PLXNA2: variants seen among roughly 807,000 people sequenced by gnomAD.
PLXNA2 encodes the protein plexin A2.
A neutral mutation model predicts 193.5 loss-of-function variants in PLXNA2; 91 were observed. That is an observed-to-expected ratio of 0.47 (90% CI 0.40 to 0.56). The LOEUF is 0.56. Among genes scored for constraint, PLXNA2 ranks in the 20% least tolerant of loss-of-function variants. The pLI, the probability that PLXNA2 is intolerant of heterozygous loss-of-function variation, is 0.00. For missense variants in PLXNA2, 1,995 were observed against 2,503.2 expected (o/e 0.80, Z 4.33); for synonymous variants, 997 against 1,027.3 (o/e 0.97, Z 0.56).
intron 3 of PLXNA2, among the ~76,000 whole-genome samples, chr1:208,198,143 T>A (rs772023783): frequency 2.0e-5 from 3 of 152,168 alleles, no homozygotes; most frequent in Non-Finnish European, 4.4e-5. Context: ...TCAATATTGA[T>A]GGAATTGCAT....
intron 8 of PLXNA2, among the ~76,000 whole-genome samples, chr1:208,093,845 G>A (rs1003916425): frequency 1.3e-5 from 2 of 152,176 alleles, no homozygotes; most frequent in African/African-American, 4.8e-5. Context: ...GGTTTTGTAG[G>A]GGGGATTAGT....
intron 4 of PLXNA2, among the ~76,000 whole-genome samples, chr1:208,112,070 G>A (rs1215905732): frequency 6.6e-6 from 1 of 152,208 alleles, no homozygotes; most frequent in African/African-American, 2.4e-5. Flanking sequence ...TAGAGTGGTT[G>A]AGTAATTCAG....
At chr1:208,141,255 T>C (rs983901118) in intron 4 of PLXNA2, among the ~76,000 whole-genome samples, 9 of 152,214 alleles carry the variant, frequency 5.9e-5, no homozygotes, top group African/African-American at 1.9e-4. Context: ...TCCTTACTTC[T>C]TCGCTCATCC....
At chr1:208,157,997 C>A (rs376780174) in intron 3 of PLXNA2, among the ~76,000 whole-genome samples, 1 of 152,226 alleles carries the variant, frequency 6.6e-6, no homozygotes, top group African/African-American at 2.4e-5. Context: ...CAGGCCAAAG[C>A]ATTCCTCACT....
chr1:208,143,015 G>T (rs1668501431), intron 3 of PLXNA2, among the ~76,000 whole-genome samples: 1 of 152,240 alleles, frequency 6.6e-6, no homozygotes, highest in South Asian at 2.1e-4. Flanking sequence ...CACCCTGTGA[G>T]ATGTGGGGAG....
chr1:208,062,104 G>A (rs1001630764), intron 12 of PLXNA2, among the ~76,000 whole-genome samples: 3 of 152,142 alleles, frequency 2.0e-5, no homozygotes, highest in African/African-American at 4.8e-5. Context: ...AAGATCGAGC[G>A]TCCTCTAGAA....
rs996917567 is a variant in PLXNA2 at position 208,236,265 on chromosome 1, C to G, written c.-81+7378G>C. Among the ~76,000 whole-genome samples, 3 of 152,070 alleles carry G rather than the reference C, an allele frequency of 2.0e-5. No homozygotes were observed. Among genetic ancestry groups the G allele is most frequent in the Non-Finnish European group, 4.4e-5 (3 of 67,984 alleles). ...TCTTCTCCTTCAGGTATTTTTGTTCCTCAGGAGAAAAAAATGGGAAACCGG... is the reference window on the plus strand; with the variant it reads ...TCTTCTCCTTCAGGTATTTTTGTTCGTCAGGAGAAAAAAATGGGAAACCGG... On this transcript the variant is annotated intron_variant, in intron 1 of 31. Coordinates refer to ENST00000367033, the MANE Select transcript of PLXNA2 (RefSeq NM_025179.4). The surrounding 1 kb of genome is among the most constrained non-coding windows in gnomAD (Gnocchi z 4.4).
At chr1:208,136,701 T>A (rs1258742166) in intron 4 of PLXNA2, among the ~76,000 whole-genome samples, 1 of 152,324 alleles carries the variant, frequency 6.6e-6, no homozygotes, top group East Asian at 1.9e-4. Context: ...CTCAGTGCTG[T>A]CATTTGGCCA....
Position 208,028,191 on chromosome 1 carries a change from G to C in PLXNA2, c.5439-32C>G. On this transcript the variant is annotated intron_variant, in intron 30 of 31. Transcript: ENST00000367033. The surrounding 1 kb of genome is among the most constrained non-coding windows in gnomAD (Gnocchi z 4.2). ...GAGACAGGATAGGCGCCTTGGTGGAGGCCTCAGCAAACATTTACCTATAGC... is the reference window on the plus strand; with the variant it reads ...GAGACAGGATAGGCGCCTTGGTGGACGCCTCAGCAAACATTTACCTATAGC... The C allele has an allele frequency of 6.4e-7, 1 of 1,574,618 alleles. No homozygotes were observed. Among genetic ancestry groups the C allele is most frequent in the Non-Finnish European group, 8.6e-7 (1 of 1,158,446 alleles).
intron 4 of PLXNA2, among the ~76,000 whole-genome samples, chr1:208,113,160 TCTGGGGACCAGATGC>T (rs1236219822): frequency 6.6e-6 from 1 of 152,176 alleles, no homozygotes; most frequent in Non-Finnish European, 1.5e-5. Flanking sequence ...AGACCTCTCA[TCTGGGGACCAGATGC>T]CTGGGATTAG....
chr1:208,154,934 T>C (rs1048495735), intron 3 of PLXNA2, among the ~76,000 whole-genome samples: 2 of 152,178 alleles, frequency 1.3e-5, no homozygotes, highest in Admixed American at 1.3e-4. Flanking sequence ...AAGGAAAGCA[T>C]GAAAGAGGGA....
At position 208,210,450 on chromosome 1, in the gene PLXNA2, C is replaced by T. The variant is rs774808038; in HGVS notation, c.1201G>A (p.Asp401Asn). 1.6e-5 allele frequency: 26 copies of T among 1,612,436 alleles called. No individual in the cohort carries two copies. Among genetic ancestry groups the T allele is most frequent in the Admixed American group, 3.3e-5 (2 of 59,918 alleles). ...VQCTKAPVPI[D>N]DNFCGLDINQ... ...ATGTCCAGTCCACAGAAGTTATCAT[C>T]GATGGGGACAGGCTGGAGGGAAGCG... The change falls in exon 3 of 32, where the codon GAT becomes AAT. Residue 401 changes from aspartate to asparagine, a missense_variant. Coordinates refer to ENST00000367033, the MANE Select transcript of PLXNA2 (RefSeq NM_025179.4).
At chr1:208,196,723 A>T (rs1670373907) in intron 3 of PLXNA2, among the ~76,000 whole-genome samples, 1 of 152,202 alleles carries the variant, frequency 6.6e-6, no homozygotes, top group Non-Finnish European at 1.5e-5. Flanking sequence ...GTGGGGAGAA[A>T]AAGACTGAAG....
At chr1:208,199,778 C>T (rs1221787851) in intron 3 of PLXNA2, among the ~76,000 whole-genome samples, 1 of 152,184 alleles carries the variant, frequency 6.6e-6, no homozygotes, top group African/African-American at 2.4e-5. Flanking sequence ...CCAGTCTTGC[C>T]TCCGTGGGTA....
chr1:208,197,367 G>T lies in PLXNA2; in HGVS notation c.1371+12913C>A, dbSNP rs148350629. ...ACACGTGATTACTCAGGCTGAGGGT[G>T]AATGGGGCACTGACAGTCACCGAAG... On this transcript the variant is annotated intron_variant, in intron 3 of 31. Coordinates refer to ENST00000367033, the MANE Select transcript of PLXNA2 (RefSeq NM_025179.4). Among the ~76,000 whole-genome samples, 88 of 152,364 alleles carry T rather than the reference G, an allele frequency of 5.8e-4. 1 individual carries two copies. The East Asian group carries it at 0.015, about 26-fold the overall frequency.
At chr1:208,203,420 C>G (rs1410137132) in intron 3 of PLXNA2, among the ~76,000 whole-genome samples, 4 of 152,122 alleles carry the variant, frequency 2.6e-5, no homozygotes, top group Non-Finnish European at 4.4e-5. Context: ...GTCTCAGGTC[C>G]CAGGAGAGCC....
chr1:208,197,426 G>A (rs905153131), intron 3 of PLXNA2, among the ~76,000 whole-genome samples: 3 of 152,244 alleles, frequency 2.0e-5, no homozygotes, highest in African/African-American at 7.2e-5. Context: ...AAGAGACCGG[G>A]TTTCCCCGTG....
At chr1:208,103,972 C>A (rs570512707) in intron 4 of PLXNA2, among the ~76,000 whole-genome samples, 10 of 152,112 alleles carry the variant, frequency 6.6e-5, no homozygotes, top group Non-Finnish European at 1.5e-4. Flanking sequence ...TTGAGCTGGG[C>A]CTGTCTGGAT....
chr1:208,108,685 T>C lies in PLXNA2; in HGVS notation c.1507-5438A>G, dbSNP rs139328411. On this transcript the variant is annotated intron_variant, in intron 4 of 31. Transcript: ENST00000367033. ...AAACATCTACTGAGCACTTACATTG[T>C]ACTCAACCCTCTGTTAGGCATCAGG... is the stretch of plus-strand genomic sequence containing the variant. 2.6e-4 allele frequency among the ~76,000 whole-genome samples: 40 copies of C among 152,332 alleles called. No homozygotes were observed. The East Asian group carries it at 7.7e-3, about 29-fold the overall frequency.
Sources: allele counts gnomAD v4.1 joint callset (sites outside exome capture counted in the v4.1 genomes callset), GRCh38; gene constraint gnomAD v4.1.1; non-coding constraint Gnocchi (gnomAD v3.1); transcripts MANE v1.5; gene names NCBI Gene and HGNC (gene_info 2026-07-23, HGNC 2026-07-21).